The following POU4F3 variants were observed in gnomAD, a reference collection of about 807,000 sequenced individuals.
POU4F3 encodes POU domain, class 4, transcription factor 3.
In POU4F3, 7 loss-of-function variants were observed where a neutral mutation model predicts 22.0. The observed-to-expected ratio is 0.32, with a 90% CI of 0.18 to 0.60. The LOEUF (loss-of-function observed/expected upper bound fraction) is 0.60. Ranked by LOEUF, POU4F3 falls within the 20% of genes least tolerant of loss-of-function variation. The probability of loss-of-function intolerance (pLI) is 0.85; values close to 1 mark genes in which losing one functional copy is unlikely to be tolerated. For missense variants in POU4F3, 457 were observed against 467.4 expected, an observed-to-expected ratio of 0.98 and a Z score of 0.21; for synonymous variants, 220 against 194.5, an observed-to-expected ratio of 1.13 and a Z score of -1.09.
In POU4F3 at chr5:146,339,334, C is replaced by G; in HGVS notation, c.120+102C>G. On this transcript the variant is annotated intron_variant, in intron 1 of 1. Transcript: ENST00000646991. The surrounding 1 kb of genome is among the most constrained non-coding windows in gnomAD (Gnocchi z 4.7). ...CCAGAACAATCGCCGCTGTCTGAACCCCTCTCCTTGTCTCCCCCGCGTTCT... is the reference window on the plus strand; with the variant it reads ...CCAGAACAATCGCCGCTGTCTGAACGCCTCTCCTTGTCTCCCCCGCGTTCT... The G allele has an allele frequency of 1.3e-6, 2 of 1,574,074 alleles. No individual in the cohort carries two copies. Among genetic ancestry groups the G allele is most frequent in the Non-Finnish European group, 1.7e-6 (2 of 1,148,340 alleles).
In POU4F3 at chr5:146,339,476, C is replaced by T; in HGVS notation, c.121-72C>T. ...GCTTTGAGGAGAGGCATCTCGGTTG[C>T]TTGAAAATGTGTTTTAATCCTGTGT... On this transcript the variant is annotated intron_variant, in intron 1 of 1. Transcript: ENST00000646991. This position sits in a 1 kb window ranked among gnomAD's most constrained non-coding sequence, Gnocchi z 4.7. 1 of 1,596,644 alleles carries T rather than the reference C, an allele frequency of 6.3e-7. No individual in the cohort carries two copies. The highest frequency in any genetic ancestry group is 1.1e-5 in the South Asian group (1 of 90,530).
rs372436251 is a variant in POU4F3 at position 146,339,917 on chromosome 5, C to A, written c.490C>A (p.Pro164Thr). 6 of 1,609,730 alleles carry A rather than the reference C, an allele frequency of 3.7e-6. No individual in the cohort carries two copies. In the South Asian group the frequency reaches 6.6e-5, roughly 18 times the overall value. The change falls in exon 2 of 2, where the codon CCG becomes ACG. Residue 164 changes from proline to threonine, a missense_variant. By Grantham distance (38) the Pro-to-Thr change is conservative (BLOSUM62 -1). This residue lies in a region of POU4F3 where 410 missense variants were observed against 385.0 expected (regional missense o/e 1.06). Transcript: ENST00000646991. This position sits in a 1 kb window ranked among gnomAD's most constrained non-coding sequence, Gnocchi z 4.7. ...GCACCAGGCCATGGGCATGAGTCAC[C>A]CGCACACCGTGGCCCCTCATAGCGC... ...HLHQAMGMSHPHTVAPHSAMP... is the reference protein window; with the variant it reads ...HLHQAMGMSHTHTVAPHSAMP...
At position 146,340,189 on chromosome 5, in the gene POU4F3, G is replaced by T. The variant is rs924797665; in HGVS notation, c.762G>T (p.Glu254Asp). The change falls in exon 2 of 2, where the codon GAG becomes GAT. Residue 254 changes from glutamate to aspartate, a missense_variant. Coordinates refer to ENST00000646991, the MANE Select transcript of POU4F3 (RefSeq NM_002700.3). ...CGGTGCTCCAGGCCTGGTTGGAGGAGGCCGAGGCCGCCTACCGAGAGAAGA... is the reference window on the plus strand; with the variant it reads ...CGGTGCTCCAGGCCTGGTTGGAGGATGCCGAGGCCGCCTACCGAGAGAAGA... ...LKPVLQAWLE[E>D]AEAAYREKNS... 5 of 1,614,082 alleles carry T rather than the reference G, an allele frequency of 3.1e-6. No homozygotes were observed. In the African/African-American group the frequency reaches 6.7e-5, roughly 22 times the overall value.
Position 146,339,397 on chromosome 5 carries a change from C to T in POU4F3, c.121-151C>T. The T allele has an allele frequency of 6.8e-7, 1 of 1,478,576 alleles. No homozygotes were observed. Among genetic ancestry groups the T allele is most frequent in the Non-Finnish European group, 9.3e-7 (1 of 1,072,134 alleles). The allele number at this position is 1,478,576 out of a possible 1,614,324, so 91.6% of individuals were successfully genotyped here. On this transcript the variant is annotated intron_variant, in intron 1 of 1. Coordinates refer to ENST00000646991, the MANE Select transcript of POU4F3 (RefSeq NM_002700.3). The surrounding 1 kb of genome is among the most constrained non-coding windows in gnomAD (Gnocchi z 4.7). ...TCTCTCTCTCATTCATGTCTCTGAT[C>T]CACACGTCTGTTCCAGCAGAGCCGC...
In POU4F3 at chr5:146,340,527, A is replaced by T; in HGVS notation, c.*83A>T. The T allele has an allele frequency of 6.4e-7, 1 of 1,563,598 alleles. No individual in the cohort carries two copies. The highest frequency in any genetic ancestry group is 8.7e-7 in the Non-Finnish European group (1 of 1,145,646). ...TCGGGGGATGGTTATCGGGAACTCC[A>T]AGGCGTTTCCTAGGCAGGTTAGGCT... is the stretch of plus-strand genomic sequence containing the variant. On this transcript the variant is annotated 3_prime_UTR_variant, in exon 2 of 2. Coordinates refer to ENST00000646991, the MANE Select transcript of POU4F3 (RefSeq NM_002700.3).
Position 146,339,777 on chromosome 5 carries a change from G to T in POU4F3, c.350G>T (p.Gly117Val). 1 of 1,612,692 alleles carries T rather than the reference G, an allele frequency of 6.2e-7. No individual in the cohort carries two copies. Among genetic ancestry groups the T allele is most frequent in the African/African-American group, 1.3e-5 (1 of 75,070 alleles). Residue 117 changes from glycine to valine, a missense_variant, in exon 2 of 2, where the codon GGC becomes GTC. Gly to Val is a moderately radical substitution (Grantham distance 109). This residue lies in a region of POU4F3 where 410 missense variants were observed against 385.0 expected (regional missense o/e 1.06). Transcript: ENST00000646991. The surrounding 1 kb of genome is among the most constrained non-coding windows in gnomAD (Gnocchi z 4.7). ...CACGCCGTGCACCAGGGCCTCGAAG[G>T]CGACCTGCTGGAGCACATCTCGCCC... is the stretch of plus-strand genomic sequence containing the variant. ...PHHAVHQGLE[G>V]DLLEHISPTL...
rs1760446393 is a variant in POU4F3 at position 146,340,834 on chromosome 5, G to A, written c.*390G>A. 3 of 340,378 alleles carry A rather than the reference G, an allele frequency of 8.8e-6. No individual in the cohort carries two copies. The highest frequency in any genetic ancestry group is 1.7e-5 in the Non-Finnish European group (3 of 179,212). 21.1% of individuals were successfully genotyped at this position (340,378 alleles called of 1,614,324 possible). A position where few individuals can be genotyped will look rare whatever the true frequency, so the allele number is the denominator to read the frequency against. On this transcript the variant is annotated 3_prime_UTR_variant, in exon 2 of 2. Transcript: ENST00000646991. Reference sequence around the variant, plus strand: ...CTTTGCTAAGCGCGATTAGGCAAAGGGTGAAGGGATAAAAAGGAAGTGATC... The same window carrying A: ...CTTTGCTAAGCGCGATTAGGCAAAGAGTGAAGGGATAAAAAGGAAGTGATC...
rs201569184 is a variant in POU4F3 at position 146,340,473 on chromosome 5, G to A, written c.*29G>A. The A allele has an allele frequency of 9.3e-6, 15 of 1,612,690 alleles. No individual in the cohort carries two copies. Among genetic ancestry groups the A allele is most frequent in the African/African-American group, 1.3e-5 (1 of 74,904 alleles). The stretch of plus-strand genomic sequence containing the variant: ...CGGCAGGGCGCAGCGTCGGGAGCCG[G>A]GAGAGCCTAGTGCTCATCCCTCCCG... On this transcript the variant is annotated 3_prime_UTR_variant, in exon 2 of 2. Transcript: ENST00000646991.
Position 146,339,376 on chromosome 5 carries a change from T to C in POU4F3, c.120+144T>C. The C allele has an allele frequency of 2.0e-6, 3 of 1,503,926 alleles. No individual in the cohort carries two copies. The East Asian group carries it at 6.8e-5, about 34-fold the overall frequency. 93.2% of individuals were successfully genotyped at this position (1,503,926 alleles called of 1,614,324 possible). A position where few individuals can be genotyped will look rare whatever the true frequency, so the allele number is the denominator to read the frequency against. On this transcript the variant is annotated intron_variant, in intron 1 of 1. Coordinates refer to ENST00000646991, the MANE Select transcript of POU4F3 (RefSeq NM_002700.3). The surrounding 1 kb of genome is among the most constrained non-coding windows in gnomAD (Gnocchi z 4.7). ...CCGCGTTCTCTCCCGGCGCGCTCTC[T>C]CTCTCATTCATGTCTCTGATCCACA...
Position 146,339,171 on chromosome 5 carries a change from A to C in POU4F3, c.59A>C (p.Lys20Thr), listed in dbSNP as rs1324370803. 1 of 1,614,156 alleles carries C rather than the reference A, an allele frequency of 6.2e-7. No homozygotes were observed. Among genetic ancestry groups the C allele is most frequent in the African/African-American group, 1.3e-5 (1 of 75,034 alleles). Reference protein sequence around the residue: ...FGMHPVLQEPKFSSLHSGSEA... With the variant: ...FGMHPVLQEPTFSSLHSGSEA... ...ATGCACCCGGTGCTGCAAGAACCCA[A>C]ATTCTCCAGTCTGCACTCTGGCTCC... The change falls in exon 1 of 2, where the codon AAA (lysine) becomes ACA (threonine). Residue 20 changes from lysine (K) to threonine (T), a missense_variant. Transcript: ENST00000646991. This position sits in a 1 kb window ranked among gnomAD's most constrained non-coding sequence, Gnocchi z 4.7.
Position 146,339,687 on chromosome 5 carries a change from C to T in POU4F3, c.260C>T (p.Pro87Leu), listed in dbSNP as rs1760421434. The T allele has an allele frequency of 3.1e-6, 5 of 1,614,194 alleles. No homozygotes were observed. Among genetic ancestry groups the T allele is most frequent in the Non-Finnish European group, 4.2e-6 (5 of 1,180,046 alleles). Reference protein sequence around the residue: ...DATYHTMSSVPCTSTSSTVPI... With the variant: ...DATYHTMSSVLCTSTSSTVPI... ...ACCTACCATACCATGAGCAGCGTGC[C>T]CTGCACGTCCACTTCGTCCACCGTG... The change falls in exon 2 of 2, where the codon CCC becomes CTC. Residue 87 changes from proline to leucine, a missense_variant. Physicochemically the swap from Pro to Leu is moderately conservative, Grantham distance 98. Coordinates refer to ENST00000646991, the MANE Select transcript of POU4F3 (RefSeq NM_002700.3). The surrounding 1 kb of genome is among the most constrained non-coding windows in gnomAD (Gnocchi z 4.7).
In POU4F3 at chr5:146,340,481, T is replaced by A. The variant is rs532158445; in HGVS notation, c.*37T>A. On this transcript the variant is annotated 3_prime_UTR_variant, in exon 2 of 2. Transcript: ENST00000646991. Reference sequence around the variant, plus strand: ...CGCAGCGTCGGGAGCCGGGAGAGCCTAGTGCTCATCCCTCCCGGGTTCGGG... The same window carrying A: ...CGCAGCGTCGGGAGCCGGGAGAGCCAAGTGCTCATCCCTCCCGGGTTCGGG... 80 of 1,611,954 alleles carry A rather than the reference T, an allele frequency of 5.0e-5. No homozygotes were observed. The South Asian group carries it at 7.8e-4, about 16-fold the overall frequency.
rs1186356329 is a variant in POU4F3 at position 146,339,928 on chromosome 5, G to A, written c.501G>A (p.Val167=). Residue 167 remains valine (V), a synonymous_variant, in exon 2 of 2, where the codon GTG becomes GTA. Coordinates refer to ENST00000646991, the MANE Select transcript of POU4F3 (RefSeq NM_002700.3). This position sits in a 1 kb window ranked among gnomAD's most constrained non-coding sequence, Gnocchi z 4.7. The part of the protein sequence containing the change: ...QAMGMSHPHT[V]APHSAMPACL... ...TGGGCATGAGTCACCCGCACACCGTGGCCCCTCATAGCGCCATGCCTGCAT... is the reference window on the plus strand; with the variant it reads ...TGGGCATGAGTCACCCGCACACCGTAGCCCCTCATAGCGCCATGCCTGCAT... 3 of 1,610,278 alleles carry A rather than the reference G, an allele frequency of 1.9e-6. No homozygotes were observed. Among genetic ancestry groups the A allele is most frequent in the South Asian group, 1.1e-5 (1 of 91,076 alleles).
At position 146,340,666 on chromosome 5, in the gene POU4F3, A is replaced by C; in HGVS notation, c.*222A>C. ...AATTTTGGCGCTGGGAAAATATTGCAGAAGGGCGGGCCTGAGTGTACTTGT... is the reference window on the plus strand; with the variant it reads ...AATTTTGGCGCTGGGAAAATATTGCCGAAGGGCGGGCCTGAGTGTACTTGT... On this transcript the variant is annotated 3_prime_UTR_variant, in exon 2 of 2. Coordinates refer to ENST00000646991, the MANE Select transcript of POU4F3 (RefSeq NM_002700.3). 1.6e-6 allele frequency: 1 copy of C among 630,104 alleles called. No individual in the cohort carries two copies. The highest frequency in any genetic ancestry group is 2.7e-6 in the Non-Finnish European group (1 of 363,748). The allele number at this position is 630,104 out of a possible 1,614,324, so 39.0% of individuals were successfully genotyped here. A position where few individuals can be genotyped will look rare whatever the true frequency, so the allele number is the denominator to read the frequency against.
At position 146,340,498 on chromosome 5, in the gene POU4F3, G is replaced by A; in HGVS notation, c.*54G>A. 1 of 1,607,236 alleles carries A rather than the reference G, an allele frequency of 6.2e-7. No homozygotes were observed. The highest frequency in any genetic ancestry group is 8.5e-7 in the Non-Finnish European group (1 of 1,176,916). ...GGAGAGCCTAGTGCTCATCCCTCCC[G>A]GGTTCGGGGGATGGTTATCGGGAAC... is the stretch of plus-strand genomic sequence containing the variant. On this transcript the variant is annotated 3_prime_UTR_variant, in exon 2 of 2. Coordinates refer to ENST00000646991, the MANE Select transcript of POU4F3 (RefSeq NM_002700.3).
In POU4F3 at chr5:146,340,713, T is replaced by A. The variant is rs930521702; in HGVS notation, c.*269T>A. On this transcript the variant is annotated 3_prime_UTR_variant, in exon 2 of 2. Coordinates refer to ENST00000646991, the MANE Select transcript of POU4F3 (RefSeq NM_002700.3). ...TTGTGCTGTCCGTGGTGCTGAAATT[T>A]GCCCTCGCGCAGGGGCCGCACGACT... 2.8e-5 allele frequency: 15 copies of A among 526,674 alleles called. No homozygotes were observed. The highest frequency in any genetic ancestry group is 5.1e-5 in the Non-Finnish European group (15 of 292,298). 32.6% of individuals were successfully genotyped at this position (526,674 alleles called of 1,614,324 possible).
In POU4F3 at chr5:146,340,891, G is replaced by A; in HGVS notation, c.*447G>A. On this transcript the variant is annotated 3_prime_UTR_variant, in exon 2 of 2. Transcript: ENST00000646991. ...AACACAAAGTCTAGGATATCTAAGG[G>A]GGACACAAACATGCACTGGAGATTT... is the stretch of plus-strand genomic sequence containing the variant. 3.9e-6 allele frequency: 1 copy of A among 256,212 alleles called. No homozygotes were observed. Among genetic ancestry groups the A allele is most frequent in the Non-Finnish European group, 7.7e-6 (1 of 130,702 alleles). The allele number at this position is 256,212 out of a possible 1,614,324, so 15.9% of individuals were successfully genotyped here.
rs563779704 is a variant in POU4F3, at chr5:146,341,035, G to T, written c.*591G>T. 6.4e-6 allele frequency: 1 copy of T among 156,810 alleles called. No individual in the cohort carries two copies. Among genetic ancestry groups the T allele is most frequent in the East Asian group, 1.9e-4 (1 of 5,370 alleles). The allele number at this position is 156,810 out of a possible 1,614,324, so 9.7% of individuals were successfully genotyped here. A position where few individuals can be genotyped will look rare whatever the true frequency, so the allele number is the denominator to read the frequency against. ...GTAAATTCTCATAAGGTAGCATGAA[G>T]ATTAGGTTCAGGGAAAGTATGCAGG... On this transcript the variant is annotated 3_prime_UTR_variant, in exon 2 of 2. Transcript: ENST00000646991.
chr5:146,340,735 G>C lies in POU4F3; in HGVS notation c.*291G>C, dbSNP rs1208472041. The C allele has an allele frequency of 2.4e-5, 12 of 490,394 alleles. No individual in the cohort carries two copies. The highest frequency in any genetic ancestry group is 1.6e-4 in the East Asian group (4 of 25,646). The allele number at this position is 490,394 out of a possible 1,614,324, so 30.4% of individuals were successfully genotyped here. The stretch of plus-strand genomic sequence containing the variant: ...ATTTGCCCTCGCGCAGGGGCCGCAC[G>C]ACTTCAGAGCAGGAGCCCCAAAGCA... On this transcript the variant is annotated 3_prime_UTR_variant, in exon 2 of 2. Transcript: ENST00000646991.
Sources: gnomAD v4.1 joint callset for allele counts on GRCh38, gnomAD v4.1.1 for gene constraint, gnomAD v4.1.1 regional missense constraint, Gnocchi (gnomAD v3.1) non-coding constraint, MANE v1.5 for transcripts, NCBI Gene and HGNC (gene_info 2026-07-23, HGNC 2026-07-21) for gene names.